Variants in HIP1 observed in about 807,000 individuals in gnomAD.
The protein encoded by HIP1 is huntingtin interacting protein 1, also known as huntingtin-interacting protein 1.
Under a neutral mutation model 147.6 loss-of-function variants are expected in HIP1, and 65 were observed. The observed-to-expected ratio is 0.44, with a 90% CI of 0.36 to 0.54. HIP1 has a LOEUF of 0.54. Ranked by LOEUF, HIP1 falls within the 20% of genes least tolerant of loss-of-function variation. HIP1 has a pLI of 0.00. For missense variants in HIP1, 1,061 were observed against 1,299.6 expected (o/e 0.82, Z 2.82); for synonymous variants, 479 against 504.0 (o/e 0.95, Z 0.67).
chr7:75,665,255 C>T (rs1799520179), intron 1 of HIP1, among the ~76,000 whole-genome samples: 1 of 151,964 alleles, frequency 6.6e-6, no homozygotes, highest in South Asian at 2.1e-4. Context: ...GAGCAAGACC[C>T]TATCTCTATA....
At chr7:75,586,861 TCAA>T in intron 4 of HIP1, 28 bp from the exon 5 acceptor site, 1 of 1,413,118 alleles carries the variant, frequency 7.1e-7, no homozygotes, top group Non-Finnish European at 1.0e-6. Context: ...GGAAACAGAG[TCAA>T]CAACAAGAAC....
intron 1 of HIP1, among the ~76,000 whole-genome samples, chr7:75,705,865 C>T (rs1284421155): frequency 6.6e-6 from 1 of 152,046 alleles, no homozygotes; most frequent in Non-Finnish European, 1.5e-5. Context: ...ATTGATGAAT[C>T]ATATGGTAAT....
At chr7:75,580,122 G>A (rs1250596392) in intron 7 of HIP1, among the ~76,000 whole-genome samples, 1 of 152,230 alleles carries the variant, frequency 6.6e-6, no homozygotes, top group Non-Finnish European at 1.5e-5. Context: ...GAACAGGACT[G>A]TGTGAGCTTC....
intron 1 of HIP1, among the ~76,000 whole-genome samples, chr7:75,609,690 T>C (rs1260864653): frequency 6.6e-6 from 1 of 152,004 alleles, no homozygotes; most frequent in Non-Finnish European, 1.5e-5. Context: ...CCTGAGTAGC[T>C]GGGACTACAG....
intron 8 of HIP1, among the ~76,000 whole-genome samples, chr7:75,569,786 T>A (rs1476261698): frequency 6.6e-6 from 1 of 151,902 alleles, no homozygotes; most frequent in East Asian, 1.9e-4. Flanking sequence ...GTCAAAGTCA[T>A]CAAAAATAAG....
chr7:75,611,337 C>T (rs1363982164), intron 1 of HIP1, among the ~76,000 whole-genome samples: 2 of 151,744 alleles, frequency 1.3e-5, no homozygotes, highest in African/African-American at 4.8e-5. Context: ...CATGGTGGTG[C>T]GTGCCTGTAG....
At chr7:75,619,391 C>T (rs781980472) in intron 1 of HIP1, among the ~76,000 whole-genome samples, 5 of 151,642 alleles carry the variant, frequency 3.3e-5, no homozygotes, top group Non-Finnish European at 5.9e-5. Flanking sequence ...GGTGTGGTGG[C>T]GTGTGCCTGC....
At chr7:75,541,107 T>TA (rs879955219) in intron 29 of HIP1, among the ~76,000 whole-genome samples, 102 of 141,392 alleles carry the variant, frequency 7.2e-4, no homozygotes, top group South Asian at 1.7e-3. Flanking sequence ...CTATCTTATT[T>TA]AAAAAAAAAA....
rs879990782 is a variant in HIP1, at chr7:75,639,592, T to TGTGC, written c.121-40346_121-40345insGCAC. The stretch of plus-strand genomic sequence containing the variant: ...GTGTGTGTGTGTGTGTGTGTGTGTG[T>TGTGC]GCGCCCGCGTGTGTGTGCAGGCGTG... On this transcript the variant is annotated intron_variant, in intron 1 of 30. Transcript: ENST00000336926. Among the ~76,000 whole-genome samples, 241 of 148,716 alleles carry TGTGC rather than the reference T, an allele frequency of 1.6e-3. 2 individuals are homozygous for TGTGC. The highest frequency in any genetic ancestry group is 0.01 in the Middle Eastern group (3 of 290).
Position 75,640,785 on chromosome 7 carries a change from T to A in HIP1, c.121-41538A>T, listed in dbSNP as rs117033202. Among the ~76,000 whole-genome samples the A allele has an allele frequency of 2.7e-4, 37 of 135,812 alleles. No homozygotes were observed. In the East Asian group the frequency reaches 4.4e-3, roughly 16 times the overall value. The allele number at this position is 135,812 out of a possible 152,430, so 89.1% of individuals were successfully genotyped here. A position where few individuals can be genotyped will look rare whatever the true frequency, so the allele number is the denominator to read the frequency against. ...ATAATAATAATAATAATAATAATAATAAATAATGAACAGGTGATGGGATCC... is the reference window on the plus strand; with the variant it reads ...ATAATAATAATAATAATAATAATAAAAAATAATGAACAGGTGATGGGATCC... On this transcript the variant is annotated intron_variant, in intron 1 of 30. Coordinates refer to ENST00000336926, the MANE Select transcript of HIP1 (RefSeq NM_005338.7).
chr7:75,567,170 TG>T (rs1356173021), intron 9 of HIP1, among the ~76,000 whole-genome samples: 42 of 150,268 alleles, frequency 2.8e-4, no homozygotes, highest in Admixed American at 3.3e-4. Flanking sequence ...GGTTTTTTTT[TG>T]TTTTTTTTTT....
intron 13 of HIP1, among the ~76,000 whole-genome samples, chr7:75,560,616 G>A (rs1490966042): frequency 2.6e-5 from 4 of 152,096 alleles, no homozygotes; most frequent in East Asian, 1.9e-4. Flanking sequence ...TCTCAGCCTC[G>A]TGGGGACCAA....
rs10261914 is a variant in HIP1, at chr7:75,622,079, G to C, written c.121-22832C>G. Among the ~76,000 whole-genome samples, 55 of 151,780 alleles carry C rather than the reference G, an allele frequency of 3.6e-4. No individual in the cohort carries two copies. The East Asian group carries it at 6.7e-3, about 18-fold the overall frequency. The stretch of plus-strand genomic sequence containing the variant: ...TGGGCAGACCTCTTGAGGCCAGTTC[G>C]AGACCAGCCTGGCCAACATGATGAA... On this transcript the variant is annotated intron_variant, in intron 1 of 30. Coordinates refer to ENST00000336926, the MANE Select transcript of HIP1 (RefSeq NM_005338.7).
At chr7:75,688,410 C>T (rs1800337020) in intron 1 of HIP1, among the ~76,000 whole-genome samples, 3 of 151,724 alleles carry the variant, frequency 2.0e-5, no homozygotes. Context: ...GGGAGTCCAT[C>T]ATGCTGCGTC....
At chr7:75,657,755 G>A (rs777847904) in intron 1 of HIP1, among the ~76,000 whole-genome samples, 17 of 151,896 alleles carry the variant, frequency 1.1e-4, no homozygotes, top group Non-Finnish European at 2.2e-4. Flanking sequence ...GAGGGAAGGA[G>A]GGGGAGAAAG....
chr7:75,538,625 A>G, intron 30 of HIP1, among the ~76,000 whole-genome samples: 1 of 129,066 alleles, frequency 7.7e-6, no homozygotes. Flanking sequence ...CCCAGGCTGG[A>G]GTGCAGTGGC....
intron 1 of HIP1, among the ~76,000 whole-genome samples, chr7:75,694,924 T>C (rs1173363903): frequency 3.3e-5 from 5 of 152,200 alleles, no homozygotes; most frequent in Non-Finnish European, 7.3e-5. Context: ...TGGTGAGTTC[T>C]TTCCACAACA....
intron 1 of HIP1, among the ~76,000 whole-genome samples, chr7:75,711,599 T>C (rs1450061484): frequency 6.6e-6 from 1 of 152,146 alleles, no homozygotes; most frequent in Non-Finnish European, 1.5e-5. Flanking sequence ...AAAAACGCCA[T>C]CCTAAAGTTT....
intron 1 of HIP1, among the ~76,000 whole-genome samples, chr7:75,647,745 C>T (rs1798851868): frequency 6.6e-6 from 1 of 152,222 alleles, no homozygotes; most frequent in African/African-American, 2.4e-5. Context: ...CCTGGACAGA[C>T]CAGCCAGTTC....
Sources: gnomAD v4.1 joint callset for allele counts (sites outside exome capture counted in the v4.1 genomes callset) on GRCh38, gnomAD v4.1.1 for gene constraint, MANE v1.5 for transcripts, NCBI Gene and HGNC (gene_info 2026-07-23, HGNC 2026-07-21) for gene names.